The following LMNA variants were observed in gnomAD, a reference collection of about 807,000 sequenced individuals.
The protein encoded by LMNA is lamin.
In LMNA, 20 loss-of-function variants were observed where a neutral mutation model predicts 70.4. That is an observed-to-expected ratio of 0.28 (90% CI 0.20 to 0.41). LMNA has a LOEUF of 0.41. Among genes scored for constraint, LMNA ranks in the 10% least tolerant of loss-of-function variants. The pLI is 1.00. For synonymous variants in LMNA, 339 were observed against 372.8 expected (o/e 0.91, Z 1.04); for missense variants, 652 against 917.2 (o/e 0.71, Z 3.73).
chr1:156,085,706 T>C (rs1433450380), intron 2 of LMNA, among the ~76,000 whole-genome samples: 1 of 152,190 alleles, frequency 6.6e-6, no homozygotes, highest in Admixed American at 6.5e-5. Flanking sequence ...TTCTGCCACT[T>C]TGGGGAGTCA....
Position 156,137,338 on chromosome 1 carries a change from T to C in LMNA, c.1608+106T>C. The C allele has an allele frequency of 2.1e-6, 3 of 1,422,816 alleles. No homozygotes were observed. Among genetic ancestry groups the C allele is most frequent in the Non-Finnish European group, 2.9e-6 (3 of 1,045,538 alleles). The allele number at this position is 1,422,816 out of a possible 1,614,324, so 88.1% of individuals were successfully genotyped here. A position where few individuals can be genotyped will look rare whatever the true frequency, so the allele number is the denominator to read the frequency against. On this transcript the variant is annotated intron_variant, in intron 9 of 11. Coordinates refer to ENST00000368300, the MANE Select transcript of LMNA (RefSeq NM_170707.4). This position sits in a 1 kb window ranked among gnomAD's most constrained non-coding sequence, Gnocchi z 4.6. ...AGTTTGCCAATTCAGGGCCCCTTTC[T>C]AGAGCTCTCTGTTGCAGGCTCCAGA...
chr1:156,094,886 A>G lies in LMNA; in HGVS notation c.-207+4304A>G, dbSNP rs1046671225. 7.3e-5 allele frequency among the ~76,000 whole-genome samples: 11 copies of G among 151,232 alleles called. No homozygotes were observed. The East Asian group carries it at 9.7e-4, about 13-fold the overall frequency. On this transcript the variant is annotated intron_variant, in intron 3 of 12. Coordinates refer to the LMNA transcript ENST00000368301. Reference sequence around the variant, plus strand: ...GTGATTCTCCTGCCTCAGCCTCCCAAGTAGCTGAGATTACAGGCGTTTGTC... The same window carrying G: ...GTGATTCTCCTGCCTCAGCCTCCCAGGTAGCTGAGATTACAGGCGTTTGTC...
upstream of LMNA, among the ~76,000 whole-genome samples, chr1:156,113,331 A>AAG (rs1413699959): frequency 6.7e-6 from 1 of 149,484 alleles, no homozygotes; most frequent in African/African-American, 2.5e-5. Flanking sequence ...AACAAAAAAA[A>AAG]CAAACAAACA....
Position 156,139,351 on chromosome 1 carries a change from C to T in LMNA, c.*245C>T, listed in dbSNP as rs988468289. ...CTCATCTATCTCAATCCTAATTTCTCCTCCCTTCCTTTTCCCTGCTTCCAG... is the reference window on the plus strand; with the variant it reads ...CTCATCTATCTCAATCCTAATTTCTTCTCCCTTCCTTTTCCCTGCTTCCAG... On this transcript the variant is annotated 3_prime_UTR_variant, in exon 12 of 12. Coordinates refer to ENST00000368300, the MANE Select transcript of LMNA (RefSeq NM_170707.4). 3.6e-5 allele frequency: 50 copies of T among 1,398,550 alleles called. No individual in the cohort carries two copies. Among genetic ancestry groups the T allele is most frequent in the Non-Finnish European group, 4.5e-5 (49 of 1,081,798 alleles). The allele number at this position is 1,398,550 out of a possible 1,614,324, so 86.6% of individuals were successfully genotyped here. A position where few individuals can be genotyped will look rare whatever the true frequency, so the allele number is the denominator to read the frequency against.
At chr1:156,099,863 G>A (rs972959693) in intron 3 of LMNA, among the ~76,000 whole-genome samples, 87 of 125,356 alleles carry the variant, frequency 6.9e-4, no homozygotes, top group African/African-American at 2.9e-3. Flanking sequence ...TCCAGCCTGG[G>A]TGACAAAAAA....
At position 156,136,850 on chromosome 1, in the gene LMNA, C is replaced by A; in HGVS notation, c.1381-71C>A. ...AATTGCAGGCAGGCAGAGGGCTGGGCCTTTGAGCAAGATACACCCAAGAGC... is the reference window on the plus strand; with the variant it reads ...AATTGCAGGCAGGCAGAGGGCTGGGACTTTGAGCAAGATACACCCAAGAGC... On this transcript the variant is annotated intron_variant, in intron 7 of 11. Transcript: ENST00000368300. The surrounding 1 kb of genome is among the most constrained non-coding windows in gnomAD (Gnocchi z 6.1). The A allele has an allele frequency of 7.7e-7, 1 of 1,304,672 alleles. No homozygotes were observed. The highest frequency in any genetic ancestry group is 1.1e-6 in the Non-Finnish European group (1 of 920,238). 80.8% of individuals were successfully genotyped at this position (1,304,672 alleles called of 1,614,324 possible). A position where few individuals can be genotyped will look rare whatever the true frequency, so the allele number is the denominator to read the frequency against.
In LMNA at chr1:156,130,740, C is replaced by T. The variant is rs758848135; in HGVS notation, c.480C>T (p.Gly160=). 39 of 1,604,446 alleles carry T rather than the reference C, an allele frequency of 2.4e-5. No individual in the cohort carries two copies. The highest frequency in any genetic ancestry group is 4.5e-5 in the South Asian group (4 of 89,884). ...TCAGTGAGAAGCGCACGCTGGAGGGCGAGCTGCATGATCTGCGGGGCCAGG... is the reference window on the plus strand; with the variant it reads ...TCAGTGAGAAGCGCACGCTGGAGGGTGAGCTGCATGATCTGCGGGGCCAGG... ...TALSEKRTLE[G]ELHDLRGQVA... is the part of the protein sequence containing the mutation. The change falls in exon 2 of 12, where the codon GGC becomes GGT. Residue 160 remains glycine (G), a synonymous_variant. Transcript: ENST00000368300.
chr1:156,107,233 T>C (rs978763571), intron 3 of LMNA, among the ~76,000 whole-genome samples: 1 of 152,184 alleles, frequency 6.6e-6, no homozygotes, highest in Non-Finnish European at 1.5e-5. Flanking sequence ...GGTTACTACT[T>C]ATCCAGTCGC....
In LMNA at chr1:156,137,122, G is replaced by T. The variant is rs996785044; in HGVS notation, c.1498G>T (p.Ala500Ser). Residue 500 changes from alanine to serine, a missense_variant, in exon 9 of 12, where the codon GCA becomes TCA. Transcript: ENST00000368300. This position sits in a 1 kb window ranked among gnomAD's most constrained non-coding sequence, Gnocchi z 4.6. ...CTTTTCTCCTCTCCAGATCTGGGCT[G>T]CAGGAGCTGGGGCCACCCACAGCCC... Reference protein sequence around the residue: ...KAGQVVTIWAAGAGATHSPPT... With the variant: ...KAGQVVTIWASGAGATHSPPT... The T allele has an allele frequency of 6.2e-7, 1 of 1,613,862 alleles. No individual in the cohort carries two copies. Among genetic ancestry groups the T allele is most frequent in the Non-Finnish European group, 8.5e-7 (1 of 1,179,878 alleles).
At chr1:156,111,339 C>G (rs1377504751), upstream of LMNA, among the ~76,000 whole-genome samples, 1 of 151,774 alleles carries the variant, frequency 6.6e-6, no homozygotes, top group Non-Finnish European at 1.5e-5. Context: ...ATCCCAGCTA[C>G]TCAGGAGGCT....
Position 156,116,683 on chromosome 1 carries a change from G to A in LMNA, c.356+1409G>A, listed in dbSNP as rs1039939748. Among the ~76,000 whole-genome samples, 3 of 152,138 alleles carry A rather than the reference G, an allele frequency of 2.0e-5. No homozygotes were observed. In the East Asian group the frequency reaches 5.8e-4, roughly 29 times the overall value. On this transcript the variant is annotated intron_variant, in intron 1 of 11. Transcript: ENST00000368300. The stretch of plus-strand genomic sequence containing the variant: ...AGGTTCAAGTGATTCTCCTGCCTCA[G>A]CCTCCCGAATAGCTGAGATTACAGG...
chr1:156,087,851 C>T (rs1474700518), intron 2 of LMNA, among the ~76,000 whole-genome samples: 1 of 151,898 alleles, frequency 6.6e-6, no homozygotes, highest in Middle Eastern at 3.2e-3. Flanking sequence ...CCATGCCCAG[C>T]CTTTCTTTCC....
intron 2 of LMNA, among the ~76,000 whole-genome samples, chr1:156,086,393 A>ACTCTCTCTCTCTCTCTCTCTCTCT (rs55740793): frequency 1.4e-4 from 20 of 146,400 alleles, no homozygotes; most frequent in African/African-American, 4.1e-4. Context: ...GTGACCTCTG[A>ACTCTCTCTCTCTCTCTCTCTCTCT]CTCTCTCTCT....
upstream of LMNA, among the ~76,000 whole-genome samples, chr1:156,110,645 G>A (rs1358522748): frequency 2.1e-5 from 3 of 141,232 alleles, no homozygotes; most frequent in Non-Finnish European, 4.7e-5. Flanking sequence ...AGGAGTTCAA[G>A]ACCAACTTGG....
chr1:156,095,135 GC>G (rs1648886661), intron 3 of LMNA, among the ~76,000 whole-genome samples: 2 of 151,934 alleles, frequency 1.3e-5, no homozygotes, highest in Non-Finnish European at 2.9e-5. Flanking sequence ...CACCATGTTG[GC>G]CAGGCTGGTC....
In LMNA at chr1:156,135,342, G is replaced by A. The variant is rs1651470642; in HGVS notation, c.936+30G>A. The A allele has an allele frequency of 1.2e-6, 2 of 1,608,756 alleles. No individual in the cohort carries two copies. The highest frequency in any genetic ancestry group is 1.7e-6 in the Non-Finnish European group (2 of 1,177,960). On this transcript the variant is annotated intron_variant, in intron 5 of 11. Transcript: ENST00000368300. The surrounding 1 kb of genome is among the most constrained non-coding windows in gnomAD (Gnocchi z 4.8). ...TACCCCACCTCACCCCTCTCTCCAG[G>A]GGCCTAGAGTCTGGGCCGGATGCAG...
At chr1:156,084,332 G>GGGGA (rs1553259248) in intron 2 of LMNA, among the ~76,000 whole-genome samples, 1 of 96,602 alleles carries the variant, frequency 1.0e-5, no homozygotes, top group East Asian at 8.5e-4. Flanking sequence ...GAAGGTCGGG[G>GGGGA]GGTGGTGGGG....
intron 1 of LMNA, among the ~76,000 whole-genome samples, chr1:156,127,797 G>A (rs1055309398): frequency 5.3e-5 from 8 of 150,768 alleles, no homozygotes; most frequent in East Asian, 1.9e-4. Flanking sequence ...AGCAATTCTC[G>A]TGTCTCAGCC....
rs764019848 is a variant in LMNA at position 156,135,361 on chromosome 1, G to C, written c.936+49G>C. ...CTCCAGGGGCCTAGAGTCTGGGCCG[G>C]ATGCAGGCTGGAAGCCCAGGGTTGG... On this transcript the variant is annotated intron_variant, in intron 5 of 11. Transcript: ENST00000368300. The surrounding 1 kb of genome is among the most constrained non-coding windows in gnomAD (Gnocchi z 4.8). The C allele has an allele frequency of 2.0e-4, 257 of 1,303,316 alleles. No homozygotes were observed. Among genetic ancestry groups the C allele is most frequent in the Non-Finnish European group, 2.6e-4 (253 of 957,874 alleles). The allele number at this position is 1,303,316 out of a possible 1,614,324, so 80.7% of individuals were successfully genotyped here. A position where few individuals can be genotyped will look rare whatever the true frequency, so the allele number is the denominator to read the frequency against.
Sources: gnomAD v4.1 joint callset for allele counts (sites outside exome capture counted in the v4.1 genomes callset) on GRCh38, gnomAD v4.1.1 for gene constraint, Gnocchi (gnomAD v3.1) non-coding constraint, MANE v1.5 for transcripts, NCBI Gene and HGNC (gene_info 2026-07-23, HGNC 2026-07-21) for gene names.